OCA2: variants seen among roughly 807,000 people sequenced by gnomAD.
The protein encoded by OCA2 is OCA2 melanosomal transmembrane protein.
A neutral mutation model predicts 100.2 loss-of-function variants in OCA2; 77 were observed. The ratio of observed to expected loss-of-function variants is 0.77; its 90% CI spans 0.64 to 0.93. The LOEUF is 0.93. Ranked by LOEUF, OCA2 falls within the 40% of genes least tolerant of loss-of-function variation. The pLI, the probability that OCA2 is intolerant of heterozygous loss-of-function variation, is 0.00. For synonymous variants in OCA2, 432 were observed against 439.2 expected, an observed-to-expected ratio of 0.98 and a Z score of 0.21; for missense variants, 1,062 against 1,089.1, an observed-to-expected ratio of 0.98 and a Z score of 0.35.
rs915730431 is a variant in OCA2 at position 28,083,732 on chromosome 15, A to G, written c.-21-1837T>C. Among the ~76,000 whole-genome samples, 5 of 152,330 alleles carry G rather than the reference A, an allele frequency of 3.3e-5. 1 individual carries two copies. The highest frequency in any genetic ancestry group is 1.2e-4 in the African/African-American group (5 of 41,564). On this transcript the variant is annotated intron_variant, in intron 1 of 23. Transcript: ENST00000354638. ...TAAATACCAATTTAAAAGCACCATGACAAGCCAAGAGAGAGAGACTATGGA... is the reference window on the plus strand; with the variant it reads ...TAAATACCAATTTAAAAGCACCATGGCAAGCCAAGAGAGAGAGACTATGGA...
At chr15:27,940,869 C>T (rs1562592) in intron 18 of OCA2, among the ~76,000 whole-genome samples, 31,265 of 152,128 alleles carry the variant, frequency 0.21, 3,703 homozygotes, top group South Asian at 0.37. Context: ...ATGGCCACAG[C>T]ACTATTCTCT....
chr15:28,036,910 T>C (rs2043061071), intron 2 of OCA2, among the ~76,000 whole-genome samples: 1 of 152,128 alleles, frequency 6.6e-6, no homozygotes, highest in African/African-American at 2.4e-5. Context: ...TATGCAGCCA[T>C]TGCTGAGGTC....
chr15:28,050,023 A>C (rs1216989878), intron 2 of OCA2, among the ~76,000 whole-genome samples: 2 of 152,224 alleles, frequency 1.3e-5, no homozygotes, highest in East Asian at 3.8e-4. Flanking sequence ...TCACACCTGT[A>C]ATCCCAACTC....
At chr15:27,769,707 G>C (rs896054944) in intron 23 of OCA2, among the ~76,000 whole-genome samples, 1 of 152,234 alleles carries the variant, frequency 6.6e-6, no homozygotes, top group Non-Finnish European at 1.5e-5. Context: ...CCATTTGGCT[G>C]TCGCCCTTCT....
In OCA2 at chr15:27,797,340, C is replaced by T. The variant is rs149722222; in HGVS notation, c.2433-41868G>A. Among the ~76,000 whole-genome samples, 17 of 152,230 alleles carry T rather than the reference C, an allele frequency of 1.1e-4. No individual in the cohort carries two copies. In the East Asian group the frequency reaches 3.3e-3, roughly 29 times the overall value. ...TGGCAATCCCTGGAGGCAAAGGGGG[C>T]TGATTTTATAGAGCACAAACCGTAC... On this transcript the variant is annotated intron_variant, in intron 23 of 23. Transcript: ENST00000354638.
chr15:27,776,896 T>G (rs1313856426), intron 23 of OCA2: 2 of 142,098 alleles, frequency 1.4e-5, no homozygotes. Flanking sequence ...GGCAGCTTTC[T>G]CAAAGCCCCT....
intron 23 of OCA2, among the ~76,000 whole-genome samples, chr15:27,820,385 T>C (rs1460365786): frequency 6.6e-6 from 1 of 152,170 alleles, no homozygotes; most frequent in Non-Finnish European, 1.5e-5. Flanking sequence ...GCACGCACTC[T>C]CCACAGGGTA....
intron 14 of OCA2, among the ~76,000 whole-genome samples, chr15:27,980,829 AT>A (rs2041137143): frequency 6.6e-6 from 1 of 152,150 alleles, no homozygotes; most frequent in African/African-American, 2.4e-5. Context: ...CTTTCAAATA[AT>A]TTGATTATGA....
chr15:27,873,871 C>T (rs1047580478), intron 19 of OCA2, among the ~76,000 whole-genome samples: 1 of 152,160 alleles, frequency 6.6e-6, no homozygotes, highest in African/African-American at 2.4e-5. Context: ...AAGCCTAACA[C>T]TGTAGGTATA....
intron 19 of OCA2, among the ~76,000 whole-genome samples, chr15:27,893,911 C>T (rs560696289): frequency 3.6e-4 from 55 of 152,232 alleles, no homozygotes; most frequent in Admixed American, 5.9e-4. Flanking sequence ...AGCATGTGAT[C>T]TTTGTTAGAC....
chr15:27,854,491 T>C (rs935495379), intron 21 of OCA2, among the ~76,000 whole-genome samples: 4 of 152,164 alleles, frequency 2.6e-5, no homozygotes, highest in Admixed American at 6.5e-5. Flanking sequence ...AAATATACAC[T>C]GGAAGAGAAA....
At chr15:27,804,635 A>T (rs1305798783) in intron 23 of OCA2, among the ~76,000 whole-genome samples, 2 of 152,212 alleles carry the variant, frequency 1.3e-5, no homozygotes, top group Non-Finnish European at 2.9e-5. Flanking sequence ...CTAGCACCAC[A>T]ACGGACTTCA....
At chr15:27,990,450 T>G in intron 10 of OCA2, 126 bp downstream of exon 10, 1 of 949,874 alleles carries the variant, frequency 1.1e-6, no homozygotes. Context: ...AGCATGGTTC[T>G]TGGGCAAAAA....
At chr15:27,976,189 G>A (rs1330236007) in intron 14 of OCA2, among the ~76,000 whole-genome samples, 2 of 152,132 alleles carry the variant, frequency 1.3e-5, no homozygotes, top group African/African-American at 4.8e-5. Flanking sequence ...CTACGTGGAC[G>A]ATTGTGTCAT....
At chr15:27,810,262 C>T (rs1176543497) in intron 23 of OCA2, among the ~76,000 whole-genome samples, 2 of 152,176 alleles carry the variant, frequency 1.3e-5, no homozygotes, top group East Asian at 3.8e-4. Context: ...TGGAAAAGGA[C>T]ACCCTATTTA....
At chr15:27,848,661 C>A (rs1194633763) in intron 22 of OCA2, among the ~76,000 whole-genome samples, 5 of 152,272 alleles carry the variant, frequency 3.3e-5, no homozygotes, top group Non-Finnish European at 7.3e-5. Flanking sequence ...GAATGCTGCA[C>A]ACAAAGAATC....
intron 21 of OCA2, among the ~76,000 whole-genome samples, chr15:27,856,676 TACACACACACAA>T (rs1349847562): frequency 6.7e-6 from 1 of 149,470 alleles, no homozygotes; most frequent in Non-Finnish European, 1.5e-5. Flanking sequence ...ATTATTTCTG[TACACACACACAA>T]ACACACACCC....
intron 18 of OCA2, among the ~76,000 whole-genome samples, chr15:27,938,806 C>A (rs1300644608): frequency 2.6e-5 from 4 of 152,206 alleles, no homozygotes; most frequent in Non-Finnish European, 5.9e-5. Context: ...TGAGAGACAG[C>A]TGCATCGATG....
At chr15:27,819,948 T>G (rs1340558858) in intron 23 of OCA2, among the ~76,000 whole-genome samples, 1 of 152,070 alleles carries the variant, frequency 6.6e-6, no homozygotes, top group Non-Finnish European at 1.5e-5. Context: ...ATCGCAGTGC[T>G]CTAAAATAAG....
Sources: allele counts gnomAD v4.1 joint callset (sites outside exome capture counted in the v4.1 genomes callset), GRCh38; gene constraint gnomAD v4.1.1; transcripts MANE v1.5; gene names NCBI Gene and HGNC (gene_info 2026-07-23, HGNC 2026-07-21).